The following ARHGEF18 variants were observed in gnomAD, a reference collection of about 807,000 sequenced individuals.
ARHGEF18 encodes the protein Rho/Rac guanine nucleotide exchange factor 18.
In ARHGEF18, 93 loss-of-function variants were observed where a neutral mutation model predicts 155.7. The observed-to-expected ratio is 0.60, with a 90% CI of 0.50 to 0.71. ARHGEF18 has a LOEUF of 0.71. Ranked by LOEUF, ARHGEF18 falls within the 30% of genes least tolerant of loss-of-function variation. The pLI is 0.00. For missense variants in ARHGEF18, 1,593 were observed against 1,816.1 expected (o/e 0.88, Z 2.23); for synonymous variants, 742 against 753.1 (o/e 0.99, Z 0.24).
intron 1 of ARHGEF18, among the ~76,000 whole-genome samples, chr19:7,355,068 TCACACACACACACACACACA>T (rs60457716): frequency 0.31 from 44,799 of 146,528 alleles, 7,209 homozygotes; most frequent in Non-Finnish European, 0.37. Context: ...CCAATGGGCT[TCACACACACACACACACACA>T]CACACACACA....
At chr19:7,397,961 A>G (rs1053188310) in intron 10 of ARHGEF18, among the ~76,000 whole-genome samples, 5 of 152,216 alleles carry the variant, frequency 3.3e-5, no homozygotes, top group African/African-American at 1.2e-4. Flanking sequence ...AGAGGAGCGG[A>G]TGTTAAGCAC....
intron 10 of ARHGEF18, among the ~76,000 whole-genome samples, chr19:7,407,179 C>A (rs1972367509): frequency 6.6e-6 from 1 of 151,674 alleles, no homozygotes; most frequent in Non-Finnish European, 1.5e-5. Flanking sequence ...AATCCCAGCA[C>A]TTTGGGAGGC....
chr19:7,447,151 T>C lies in ARHGEF18; in HGVS notation c.1720T>C (p.Phe574Leu). ...GTTGCTGCTTCAGCAAAACAAGAAA[T>C]TTCAAAACTTGATCAAGGTAAAAAC... Reference protein sequence around the residue: ...YKLLLQQNKKFQNLIKKIGNF... With the variant: ...YKLLLQQNKKLQNLIKKIGNF... Residue 574 changes from phenylalanine to leucine, a missense_variant, in exon 15 of 29, where the codon TTT (phenylalanine) becomes CTT (leucine). Phe to Leu is a conservative substitution (Grantham distance 22). Coordinates refer to ENST00000668164, the MANE Select transcript of ARHGEF18 (RefSeq NM_001367823.1). 1 of 1,612,330 alleles carries C rather than the reference T, an allele frequency of 6.2e-7. No individual in the cohort carries two copies. The highest frequency in any genetic ancestry group is 1.1e-5 in the South Asian group (1 of 90,666).
intron 15 of ARHGEF18, among the ~76,000 whole-genome samples, chr19:7,450,652 A>G (rs1482080423): frequency 6.6e-6 from 1 of 152,310 alleles, no homozygotes; most frequent in Non-Finnish European, 1.5e-5. Flanking sequence ...TTAATACGGG[A>G]TCTTGCTGTC....
Position 7,451,165 on chromosome 19 carries a change from C to T in ARHGEF18, c.1754C>T (p.Ser585Phe), listed in dbSNP as rs1428917737. ...GTTTCCTAGAAAATTGGCAACTTCT[C>T]CATCGTGCGGCGGCTTGGCGTGCAG... ...QNLIKKIGNF[S>F]IVRRLGVQEC... The change falls in exon 16 of 29, where the codon TCC (serine) becomes TTC (phenylalanine). Residue 585 changes from serine to phenylalanine, a missense_variant. Physicochemically the swap from Ser to Phe is radical, Grantham distance 155. Transcript: ENST00000668164. 6.7e-7 allele frequency: 1 copy of T among 1,497,650 alleles called. No homozygotes were observed. The highest frequency in any genetic ancestry group is 8.9e-7 in the Non-Finnish European group (1 of 1,129,220). The allele number at this position is 1,497,650 out of a possible 1,614,324, so 92.8% of individuals were successfully genotyped here.
chr19:7,450,678 A>C (rs568595700), intron 15 of ARHGEF18, among the ~76,000 whole-genome samples: 5 of 152,412 alleles, frequency 3.3e-5, no homozygotes, highest in Non-Finnish European at 5.9e-5. Flanking sequence ...CCGAGATGTT[A>C]ATGCGGGATC....
chr19:7,382,780 C>T lies in ARHGEF18; in HGVS notation c.723-12C>T, dbSNP rs921498777. 1.6e-6 allele frequency: 2 copies of T among 1,232,080 alleles called. No homozygotes were observed. The highest frequency in any genetic ancestry group is 4.1e-5 in the South Asian group (1 of 24,308). 76.3% of individuals were successfully genotyped at this position (1,232,080 alleles called of 1,614,324 possible). On this transcript the variant is annotated splice_polypyrimidine_tract_variant and intron_variant, in intron 8 of 28. Transcript: ENST00000668164. The stretch of plus-strand genomic sequence containing the variant: ...TGGCCCCCTCTAGTGGACCTTCCCT[C>T]TCGTCCCTCAGGAGCGAGGACGGTG...
At chr19:7,457,826 G>A (rs577721275) in intron 18 of ARHGEF18, among the ~76,000 whole-genome samples, 4 of 152,216 alleles carry the variant, frequency 2.6e-5, no homozygotes, top group African/African-American at 7.2e-5. Flanking sequence ...TGAAGGATGC[G>A]TGACAGACTA....
At chr19:7,377,313 G>A (rs1970507870) in intron 5 of ARHGEF18, among the ~76,000 whole-genome samples, 1 of 151,940 alleles carries the variant, frequency 6.6e-6, no homozygotes, top group South Asian at 2.1e-4. Context: ...TCTAGTGATC[G>A]GCCCGCCTCA....
chr19:7,398,704 A>AAG (rs112794982), intron 10 of ARHGEF18, among the ~76,000 whole-genome samples: 16 of 147,164 alleles, frequency 1.1e-4, no homozygotes, highest in African/African-American at 4.2e-4. Context: ...AAAAAAAAAA[A>AAG]AAATAAAGAA....
chr19:7,383,792 G>A (rs950200948), intron 10 of ARHGEF18, among the ~76,000 whole-genome samples: 8 of 143,078 alleles, frequency 5.6e-5, no homozygotes, highest in African/African-American at 2.1e-4. Context: ...CATCCTAAAG[G>A]ACAGAAGTGG....
In ARHGEF18 at chr19:7,444,958, G is replaced by A. The variant is rs1276898252; in HGVS notation, c.1611+504G>A. ...AGCCTTTTCCTTTCAGTAATAAAAC[G>A]AGAGTGGCCCCTGAGGACACACAGT... is the stretch of plus-strand genomic sequence containing the variant. On this transcript the variant is annotated intron_variant, in intron 14 of 28. Transcript: ENST00000668164. The surrounding 1 kb of genome is among the most constrained non-coding windows in gnomAD (Gnocchi z 4.7). Among the ~76,000 whole-genome samples, 4 of 152,316 alleles carry A rather than the reference G, an allele frequency of 2.6e-5. No homozygotes were observed. Among genetic ancestry groups the A allele is most frequent in the East Asian group, 1.9e-4 (1 of 5,188 alleles).
intron 10 of ARHGEF18, among the ~76,000 whole-genome samples, chr19:7,404,553 G>GGGT (rs1208176204): frequency 6.7e-6 from 1 of 149,344 alleles, no homozygotes; most frequent in Non-Finnish European, 1.5e-5. Flanking sequence ...TCCGTCTCCC[G>GGGT]GGTTCAAGTG....
chr19:7,439,409 G>A (rs946484659), intron 10 of ARHGEF18, among the ~76,000 whole-genome samples: 5 of 151,918 alleles, frequency 3.3e-5, no homozygotes, highest in African/African-American at 7.3e-5. Context: ...AGCTATGGTC[G>A]GCCACTGCAC....
chr19:7,387,061 C>T (rs766733142), intron 10 of ARHGEF18, among the ~76,000 whole-genome samples: 1 of 152,130 alleles, frequency 6.6e-6, no homozygotes, highest in African/African-American at 2.4e-5. Flanking sequence ...AGATCTCCAA[C>T]CAGAACATGC....
intron 15 of ARHGEF18, among the ~76,000 whole-genome samples, chr19:7,450,530 T>G (rs1600487753): frequency 2.0e-5 from 3 of 152,344 alleles, no homozygotes; most frequent in East Asian, 1.9e-4. Flanking sequence ...TCCGAGATGT[T>G]AATACAGGAT....
intron 10 of ARHGEF18, among the ~76,000 whole-genome samples, chr19:7,411,507 A>G (rs1972684741): frequency 1.3e-5 from 2 of 152,054 alleles, no homozygotes; most frequent in African/African-American, 4.8e-5. Flanking sequence ...GGCTTTCACC[A>G]TGTTGGCCAG....
chr19:7,350,899 G>A (rs936141220), intron 1 of ARHGEF18, among the ~76,000 whole-genome samples: 10 of 151,884 alleles, frequency 6.6e-5, no homozygotes, highest in African/African-American at 1.9e-4. Context: ...CGCCTCTCGG[G>A]TTTAAGCAAT....
chr19:7,373,950 G>A (rs1247102503), intron 3 of ARHGEF18, among the ~76,000 whole-genome samples: 1 of 150,532 alleles, frequency 6.6e-6, no homozygotes, highest in Non-Finnish European at 1.5e-5. Flanking sequence ...TAGTAGAGAT[G>A]GAGTTTTACC....
Sources: allele counts gnomAD v4.1 joint callset (sites outside exome capture counted in the v4.1 genomes callset), GRCh38; gene constraint gnomAD v4.1.1; non-coding constraint Gnocchi (gnomAD v3.1); transcripts MANE v1.5; gene names NCBI Gene and HGNC (gene_info 2026-07-23, HGNC 2026-07-21).